Variants in NT5C3A observed in about 807,000 individuals in gnomAD.
NT5C3A encodes cytosolic 5'-nucleotidase 3A.
Under a neutral mutation model 40.0 loss-of-function variants are expected in NT5C3A, and 23 were observed. That is an observed-to-expected ratio of 0.58 (90% CI 0.41 to 0.81). The LOEUF (loss-of-function observed/expected upper bound fraction) is 0.81. Ranked by LOEUF, NT5C3A falls within the 40% of genes least tolerant of loss-of-function variation. The pLI is 0.00. For synonymous variants in NT5C3A, 130 were observed against 141.4 expected (o/e 0.92, Z 0.57); for missense variants, 328 against 403.0 (o/e 0.81, Z 1.59).
At chr7:33,034,560 T>A (rs1786476581) in intron 1 of NT5C3A, among the ~76,000 whole-genome samples, 1 of 152,234 alleles carries the variant, frequency 6.6e-6, no homozygotes, top group South Asian at 2.1e-4. Flanking sequence ...TAGAAAGAGC[T>A]GTTATTAGGT....
intron 1 of NT5C3A, among the ~76,000 whole-genome samples, chr7:33,038,258 C>T (rs1051072271): frequency 7.2e-5 from 11 of 152,016 alleles, no homozygotes; most frequent in Admixed American, 5.2e-4. Context: ...AAACAATTCA[C>T]ACAGTGAAGA....
intron 2 of NT5C3A, among the ~76,000 whole-genome samples, chr7:33,024,571 G>C (rs1405495751): frequency 6.6e-6 from 1 of 152,186 alleles, no homozygotes; most frequent in East Asian, 1.9e-4. Context: ...GGGTTGGTGA[G>C]ATAAAGAACA....
intron 1 of NT5C3A, among the ~76,000 whole-genome samples, chr7:33,039,402 G>C (rs4720098): frequency 0.72 from 110,043 of 151,828 alleles, 40,151 homozygotes; most frequent in African/African-American, 0.79. Context: ...ACATTGATAA[G>C]GTAATAAAAT....
In NT5C3A at chr7:33,014,480, G is replaced by A. The variant is rs1223342600; in HGVS notation, c.*250C>T. On this transcript the variant is annotated 3_prime_UTR_variant, in exon 9 of 9. Transcript: ENST00000610140. ...TACAAAATTCACTTTGGAAAAGTAG[G>A]GAGTTATTTTTCTAATTTTAGCTTT... The A allele has an allele frequency of 9.5e-6, 5 of 527,528 alleles. No homozygotes were observed. The East Asian group carries it at 2.4e-4, about 25-fold the overall frequency. The allele number at this position is 527,528 out of a possible 1,614,324, so 32.7% of individuals were successfully genotyped here. A position where few individuals can be genotyped will look rare whatever the true frequency, so the allele number is the denominator to read the frequency against.
intron 1 of NT5C3A, among the ~76,000 whole-genome samples, chr7:33,035,384 G>A (rs992143605): frequency 6.6e-6 from 1 of 151,774 alleles, no homozygotes; most frequent in Non-Finnish European, 1.5e-5. Context: ...TAGTAGAGAT[G>A]GGGTTTCACT....
chr7:33,029,505 A>G (rs1786127645), intron 1 of NT5C3A: 1 of 452,934 alleles, frequency 2.2e-6, no homozygotes. Flanking sequence ...ATGCACAGCA[A>G]TCAGCATATG....
rs767393850 is a variant in NT5C3A at position 33,015,822 on chromosome 7, G to A, written c.742C>T (p.His248Tyr). Residue 248 changes from histidine (H) to tyrosine (Y), a missense_variant, in exon 8 of 9, where the codon CAT (histidine) becomes TAT (tyrosine). Coordinates refer to ENST00000610140, the MANE Select transcript of NT5C3A (RefSeq NM_001002010.5). Reference sequence around the variant, plus strand: ...TCTGTATTCCTCAAGGCACCATCATGTTTGTTAAATACATGAATTAGTTCT... The same window carrying A: ...TCTGTATTCCTCAAGGCACCATCATATTTGTTAAATACATGAATTAGTTCT... ...KGELIHVFNKHDGALRNTEYF... is the reference protein window; with the variant it reads ...KGELIHVFNKYDGALRNTEYF... 6 of 1,610,746 alleles carry A rather than the reference G, an allele frequency of 3.7e-6. No homozygotes were observed. The highest frequency in any genetic ancestry group is 4.2e-6 in the Non-Finnish European group (5 of 1,177,080).
intron 1 of NT5C3A, among the ~76,000 whole-genome samples, chr7:33,054,899 T>C (rs900396705): frequency 5.3e-5 from 8 of 152,198 alleles, no homozygotes; most frequent in African/African-American, 1.7e-4. Context: ...TTGAAGCTAG[T>C]TGTGACACAT....
Position 33,052,343 on chromosome 7 carries a change from C to T in NT5C3A, c.138+10225G>A, listed in dbSNP as rs7779477. On this transcript the variant is annotated intron_variant, in intron 1 of 8. Coordinates refer to ENST00000610140, the MANE Select transcript of NT5C3A (RefSeq NM_001002010.5). ...TACTAAAAATACAAAATTAGCCAGG[C>T]GTGGTAGCAGGTGCCTGTAATACCA... 3.1e-3 allele frequency among the ~76,000 whole-genome samples: 465 copies of T among 147,688 alleles called. 2 individuals carry two copies. Among genetic ancestry groups the T allele is most frequent in the African/African-American group, 0.011 (453 of 39,870 alleles).
intron 1 of NT5C3A, chr7:33,041,107 C>T (rs1055471700): frequency 1.0e-5 from 10 of 984,470 alleles, no homozygotes; most frequent in East Asian, 1.1e-4. Flanking sequence ...AGTTATGTGA[C>T]GATTAAAGAG....
chr7:33,050,956 T>C (rs1416632330), intron 1 of NT5C3A, among the ~76,000 whole-genome samples: 4 of 152,198 alleles, frequency 2.6e-5, no homozygotes, highest in African/African-American at 9.6e-5. Flanking sequence ...TAGATTTCCC[T>C]ACTGCTGTTT....
intron 1 of NT5C3A, among the ~76,000 whole-genome samples, chr7:33,050,668 A>G (rs1787328452): frequency 6.6e-6 from 1 of 152,228 alleles, no homozygotes; most frequent in African/African-American, 2.4e-5. Flanking sequence ...CAAATGAAGC[A>G]ACTCTTTAAT....
At chr7:33,026,953 C>A (rs767490613) in intron 1 of NT5C3A, 38 bp from the exon 2 acceptor site, 19 of 1,395,506 alleles carry the variant, frequency 1.4e-5, no homozygotes, top group Non-Finnish European at 1.6e-5. Flanking sequence ...AGTTTTCATT[C>A]TTCTTTCCCC....
intron 1 of NT5C3A, among the ~76,000 whole-genome samples, chr7:33,054,066 G>C (rs1293682071): frequency 9.2e-6 from 1 of 108,984 alleles, no homozygotes; most frequent in Non-Finnish European, 2.0e-5. Context: ...ATAATGTTGA[G>C]TTTAATGGGC....
intron 1 of NT5C3A, among the ~76,000 whole-genome samples, chr7:33,060,919 T>C (rs746452128): frequency 1.3e-5 from 2 of 152,224 alleles, no homozygotes; most frequent in Non-Finnish European, 2.9e-5. Context: ...GCTACACATA[T>C]ATTACAATCT....
chr7:33,039,208 T>C (rs1472550192), intron 1 of NT5C3A, among the ~76,000 whole-genome samples: 3 of 152,140 alleles, frequency 2.0e-5, no homozygotes. Flanking sequence ...AATTGATTGG[T>C]ATGTCTACAT....
chr7:33,019,612 CA>C, intron 6 of NT5C3A, 22 bp downstream of exon 6: 3 of 1,403,050 alleles, frequency 2.1e-6, no homozygotes, highest in Non-Finnish European at 2.0e-6. Context: ...ACAATAACAG[CA>C]AAAAACATCC....
intron 1 of NT5C3A, chr7:33,041,083 A>C: frequency 3.0e-6 from 3 of 984,968 alleles, no homozygotes; most frequent in Non-Finnish European, 3.6e-6. Context: ...AATCTACATA[A>C]CATTATCAAT....
rs75635878 is a variant in NT5C3A at position 33,017,896 on chromosome 7, A to G, written c.531-295T>C. ...CACAATTTATACCATTTAAAAAGAA[A>G]TAGGCAGGCATAGCAGTGCATGCCT... On this transcript the variant is annotated intron_variant, in intron 6 of 8. Coordinates refer to ENST00000610140, the MANE Select transcript of NT5C3A (RefSeq NM_001002010.5). 0.053 allele frequency among the ~76,000 whole-genome samples: 8,115 copies of G among 152,192 alleles called. 265 individuals carry two copies. The highest frequency in any genetic ancestry group is 0.16 in the East Asian group (831 of 5,176).
Sources: allele counts gnomAD v4.1 joint callset (sites outside exome capture counted in the v4.1 genomes callset), GRCh38; gene constraint gnomAD v4.1.1; transcripts MANE v1.5; gene names NCBI Gene and HGNC (gene_info 2026-07-23, HGNC 2026-07-21).